EYS: variants seen among roughly 807,000 people sequenced by gnomAD.
The protein encoded by EYS is protein eyes shut homolog.
In EYS, 250 loss-of-function variants were observed where a neutral mutation model predicts 282.1. The observed-to-expected ratio is 0.89, with a 90% confidence interval of 0.80 to 0.98. The LOEUF (loss-of-function observed/expected upper bound fraction) is 0.98. Among genes scored for constraint, EYS ranks in the 50% least tolerant of loss-of-function variants. EYS has a pLI of 0.00. For missense variants in EYS, 4,016 were observed against 3,709.0 expected (o/e 1.08, Z -2.15); for synonymous variants, 1,355 against 1,282.9 (o/e 1.06, Z -1.20).
At chr6:64,195,900 C>A (rs911812326) in intron 31 of EYS, among the ~76,000 whole-genome samples, 8 of 151,872 alleles carry the variant, frequency 5.3e-5, no homozygotes, top group East Asian at 1.9e-4. Flanking sequence ...AATGGGATCT[C>A]ATTAAACTAA....
At chr6:64,844,317 T>C (rs1490416831) in intron 19 of EYS, among the ~76,000 whole-genome samples, 2 of 151,592 alleles carry the variant, frequency 1.3e-5, no homozygotes, top group East Asian at 1.9e-4. Flanking sequence ...GATAAATGAG[T>C]GAGACTAAAA....
intron 5 of EYS, among the ~76,000 whole-genome samples, chr6:65,437,943 G>T: frequency 6.6e-6 from 1 of 151,646 alleles, no homozygotes; most frequent in Non-Finnish European, 1.5e-5. Flanking sequence ...TGCCATGTTG[G>T]TGTGCTGCAC....
chr6:64,514,941 T>A (rs1425824349), intron 26 of EYS, among the ~76,000 whole-genome samples: 3 of 151,826 alleles, frequency 2.0e-5, no homozygotes, highest in African/African-American at 7.2e-5. Context: ...GCCTTGCACA[T>A]TATAAACGTG....
chr6:64,998,890 G>T (rs931883028), intron 13 of EYS, among the ~76,000 whole-genome samples: 1 of 152,136 alleles, frequency 6.6e-6, no homozygotes, highest in African/African-American at 2.4e-5. Context: ...TATTATTTAA[G>T]TTGGGATACT....
intron 26 of EYS, among the ~76,000 whole-genome samples, chr6:64,584,605 A>T (rs1033512367): frequency 2.0e-5 from 3 of 152,050 alleles, no homozygotes; most frequent in African/African-American, 7.2e-5. Flanking sequence ...GGTAGTTAAA[A>T]TTTGTATCAC....
At chr6:64,212,154 TAAGAG>T (rs556039572) in intron 31 of EYS, among the ~76,000 whole-genome samples, 273 of 151,880 alleles carry the variant, frequency 1.8e-3, no homozygotes, top group African/African-American at 6.0e-3. Context: ...AAATATAGCT[TAAGAG>T]AAGTAAAATA....
intron 1 of EYS, among the ~76,000 whole-genome samples, chr6:65,688,118 T>A: frequency 6.6e-6 from 1 of 152,112 alleles, no homozygotes; most frequent in East Asian, 1.9e-4. Context: ...TGAGCCCACA[T>A]TGCCAAATCA....
intron 2 of EYS, among the ~76,000 whole-genome samples, chr6:65,618,340 A>C (rs986691232): frequency 6.6e-6 from 1 of 152,240 alleles, no homozygotes; most frequent in Non-Finnish European, 1.5e-5. Context: ...TTTCGGCTGC[A>C]TGAATGTCTT....
At chr6:64,575,224 T>A (rs763150620) in intron 26 of EYS, among the ~76,000 whole-genome samples, 7 of 152,164 alleles carry the variant, frequency 4.6e-5, no homozygotes, top group Admixed American at 3.3e-4. Context: ...GGATTGAATT[T>A]TCATGTCTTG....
chr6:64,718,511 G>GAC, intron 22 of EYS, among the ~76,000 whole-genome samples: 1 of 151,950 alleles, frequency 6.6e-6, no homozygotes, highest in Admixed American at 6.6e-5. Context: ...GACCTTATCA[G>GAC]TTTATCATTT....
chr6:63,788,057 C>T (rs1169044038), intron 39 of EYS, 48 bp downstream of exon 39: 2 of 1,387,480 alleles, frequency 1.4e-6, no homozygotes, highest in African/African-American at 3.0e-5. Flanking sequence ...TTTTTTCCCT[C>T]AACATTTGAA....
intron 26 of EYS, among the ~76,000 whole-genome samples, chr6:64,559,372 C>A (rs1474295877): frequency 6.6e-6 from 1 of 150,602 alleles, no homozygotes; most frequent in Non-Finnish European, 1.5e-5. Context: ...TAGCTCACTG[C>A]AGTTTTGAAG....
At chr6:65,217,305 C>T (rs893361943) in intron 12 of EYS, among the ~76,000 whole-genome samples, 6 of 151,946 alleles carry the variant, frequency 3.9e-5, no homozygotes, top group African/African-American at 1.4e-4. Flanking sequence ...AGACAATTAT[C>T]CAAATCTAAT....
intron 12 of EYS, among the ~76,000 whole-genome samples, chr6:65,096,909 A>G (rs149090025): frequency 1.1e-3 from 170 of 151,090 alleles, no homozygotes; most frequent in African/African-American, 3.8e-3. Context: ...GAAAAAAATT[A>G]TGAGGAAAAG....
At chr6:65,239,131 T>A (rs575610968) in intron 12 of EYS, among the ~76,000 whole-genome samples, 1 of 152,096 alleles carries the variant, frequency 6.6e-6, no homozygotes, top group Admixed American at 6.5e-5. Flanking sequence ...GTGTAAAAAT[T>A]AGTCTGCAGA....
intron 1 of EYS, among the ~76,000 whole-genome samples, chr6:65,705,164 A>C (rs2149855525): frequency 6.6e-6 from 1 of 152,294 alleles, no homozygotes; most frequent in South Asian, 2.1e-4. Context: ...GCAAGCATAC[A>C]TGATTTTCAT....
chr6:64,625,990 G>A, intron 23 of EYS, 131 bp downstream of exon 23: 1 of 550,756 alleles, frequency 1.8e-6, no homozygotes. Flanking sequence ...CTTAAAACTT[G>A]ATTAGTAGTC....
chr6:65,094,779 G>A (rs183672020), intron 12 of EYS, among the ~76,000 whole-genome samples: 5 of 151,036 alleles, frequency 3.3e-5, no homozygotes, highest in Admixed American at 2.0e-4. Flanking sequence ...AAAGAAGAAA[G>A]ATCTTAAACA....
intron 12 of EYS, among the ~76,000 whole-genome samples, chr6:65,281,009 C>T (rs976413479): frequency 3.2e-4 from 41 of 128,694 alleles, no homozygotes; most frequent in African/African-American, 1.0e-3. Context: ...GCACTCCAGC[C>T]TGGGCAACAG....
Sources: allele counts gnomAD v4.1 joint callset (sites outside exome capture counted in the v4.1 genomes callset), GRCh38; gene constraint gnomAD v4.1.1; transcripts MANE v1.5; gene names NCBI Gene and HGNC (gene_info 2026-07-23, HGNC 2026-07-21).